PLEKHG3: variants seen among roughly 807,000 people sequenced by gnomAD.
PLEKHG3 encodes pleckstrin homology domain-containing family G member 3.
Under a neutral mutation model 94.9 loss-of-function variants are expected in PLEKHG3, and 62 were observed. The observed-to-expected ratio is 0.65, with a 90% CI of 0.53 to 0.81. PLEKHG3 has a LOEUF of 0.81. Among genes scored for constraint, PLEKHG3 ranks in the 30% least tolerant of loss-of-function variants. The pLI, the probability that PLEKHG3 is intolerant of heterozygous loss-of-function variation, is 0.00. For missense variants in PLEKHG3, 1,461 were observed against 1,619.3 expected (o/e 0.90, Z 1.68); for synonymous variants, 614 against 654.0 (o/e 0.94, Z 0.93).
In PLEKHG3 at chr14:64,741,057, G is replaced by A; in HGVS notation, c.1540G>A (p.Gly514Arg). Reference protein sequence around the residue: ...LPEVEPDPEAGSEQEVFSAVE... With the variant: ...LPEVEPDPEARSEQEVFSAVE... Reference sequence around the variant, plus strand: ...TCAGGTTGAGCCGGACCCTGAGGCTGGGAGTGAGCAAGAGGTATTTTCTGC... The same window carrying A: ...TCAGGTTGAGCCGGACCCTGAGGCTAGGAGTGAGCAAGAGGTATTTTCTGC... The change falls in exon 16 of 17, where the codon GGG (glycine) becomes AGG (arginine). Residue 514 changes from glycine (G) to arginine (R), a missense_variant. Around this residue, in one of 3 missense-constraint regions of PLEKHG3, gnomAD observed 1,201 missense variants for 1,295.5 expected, o/e 0.93. Transcript: ENST00000247226. 6.3e-7 allele frequency: 1 copy of A among 1,598,384 alleles called. No homozygotes were observed.
intron 1 of PLEKHG3, among the ~76,000 whole-genome samples, chr14:64,713,415 C>T (rs900949175): frequency 8.5e-5 from 13 of 152,086 alleles, no homozygotes; most frequent in African/African-American, 2.9e-4. Context: ...CCAGGGAAGC[C>T]GTCTAGTCCT....
chr14:64,721,801 C>T lies in PLEKHG3; in HGVS notation c.-39-5792C>T, dbSNP rs544994275. Among the ~76,000 whole-genome samples, 5 of 152,240 alleles carry T rather than the reference C, an allele frequency of 3.3e-5. No individual in the cohort carries two copies. The South Asian group carries it at 1.0e-3, about 32-fold the overall frequency. ...GTCCTCCCCTCCCCCAGGAGAGCCCCTAGGGTGCAGGGAGCAGTGGGAACA... is the reference window on the plus strand; with the variant it reads ...GTCCTCCCCTCCCCCAGGAGAGCCCTTAGGGTGCAGGGAGCAGTGGGAACA... On this transcript the variant is annotated intron_variant, in intron 1 of 16. Coordinates refer to ENST00000247226, the MANE Select transcript of PLEKHG3 (RefSeq NM_001308147.2). The surrounding 1 kb of genome is among the most constrained non-coding windows in gnomAD (Gnocchi z 4.3).
Position 64,749,551 on chromosome 14 carries a change from C to G in PLEKHG3, c.*5848C>G. 1 of 1,602,496 alleles carries G rather than the reference C, an allele frequency of 6.2e-7. No individual in the cohort carries two copies. On this transcript the variant is annotated 3_prime_UTR_variant, in exon 17 of 17. Coordinates refer to ENST00000247226, the MANE Select transcript of PLEKHG3 (RefSeq NM_001308147.2). This position sits in a 1 kb window ranked among gnomAD's most constrained non-coding sequence, Gnocchi z 4.7. ...CCGGGCCAGGCAACAATGGTGGGGG[C>G]TCTTGGGACTGCCCCTTCTGAGGGG... is the stretch of plus-strand genomic sequence containing the variant.
rs1715864341 is a variant in PLEKHG3, at chr14:64,732,719, G to A, written c.1247-84G>A. 1.9e-6 allele frequency: 2 copies of A among 1,050,448 alleles called. No homozygotes were observed. The highest frequency in any genetic ancestry group is 2.0e-4 in the Middle Eastern group (1 of 4,924). The allele number at this position is 1,050,448 out of a possible 1,614,324, so 65.1% of individuals were successfully genotyped here. On this transcript the variant is annotated intron_variant, in intron 11 of 16. Coordinates refer to ENST00000247226, the MANE Select transcript of PLEKHG3 (RefSeq NM_001308147.2). This position sits in a 1 kb window ranked among gnomAD's most constrained non-coding sequence, Gnocchi z 4.9. ...GGCCCTGGAGCTGGGTGGGTATAGAGGTCTGGCTGGTTATGGACAGGGTCT... is the reference window on the plus strand; with the variant it reads ...GGCCCTGGAGCTGGGTGGGTATAGAAGTCTGGCTGGTTATGGACAGGGTCT...
intron 1 of PLEKHG3, among the ~76,000 whole-genome samples, chr14:64,719,170 T>G (rs1040953761): frequency 2.0e-5 from 3 of 152,162 alleles, no homozygotes; most frequent in Non-Finnish European, 4.4e-5. Flanking sequence ...TCATAGAAGA[T>G]GGATAAACAC....
At chr14:64,734,789 C>T (rs2081539871) in intron 12 of PLEKHG3, among the ~76,000 whole-genome samples, 1 of 145,298 alleles carries the variant, frequency 6.9e-6, no homozygotes, top group South Asian at 2.4e-4. Flanking sequence ...GGCACCATCT[C>T]TACTCACTGC....
Position 64,741,550 on chromosome 14 carries a change from A to T in PLEKHG3, c.2033A>T (p.Glu678Val), listed in dbSNP as rs1323619637. The stretch of plus-strand genomic sequence containing the variant: ...GACATCAGTGTGGGGGTGGCCACAG[A>T]GGACAGCCCTTCTGTCAATGGGATG... ...EVDISVGVAT[E>V]DSPSVNGMEP... The change falls in exon 16 of 17, where the codon GAG becomes GTG. Residue 678 changes from glutamate (E) to valine (V), a missense_variant. This residue lies in a region of PLEKHG3 where 1,201 missense variants were observed against 1,295.5 expected (regional missense o/e 0.93). Transcript: ENST00000247226. The T allele has an allele frequency of 2.5e-6, 4 of 1,613,020 alleles. No homozygotes were observed. Among genetic ancestry groups the T allele is most frequent in the Non-Finnish European group, 3.4e-6 (4 of 1,180,032 alleles).
chr14:64,712,911 C>T lies in PLEKHG3; in HGVS notation c.-40+8207C>T, dbSNP rs144028468. The stretch of plus-strand genomic sequence containing the variant: ...ATCTTAGTGAAAAAGCATTGTCTTT[C>T]TCCATTGATTATGATGTACCTGTGG... On this transcript the variant is annotated intron_variant, in intron 1 of 16. Transcript: ENST00000247226. 2.5e-3 allele frequency among the ~76,000 whole-genome samples: 387 copies of T among 152,262 alleles called. 1 individual carries two copies. Among genetic ancestry groups the T allele is most frequent in the Admixed American group, 3.9e-3 (60 of 15,288 alleles).
chr14:64,733,227 C>T (rs1566708997), intron 12 of PLEKHG3, among the ~76,000 whole-genome samples: 2 of 146,684 alleles, frequency 1.4e-5, no homozygotes, highest in African/African-American at 2.5e-5. Context: ...TGCAGTGGCT[C>T]GATCTCGGCT....
intron 1 of PLEKHG3, among the ~76,000 whole-genome samples, chr14:64,705,366 C>A (rs2080954724): frequency 6.6e-6 from 1 of 152,226 alleles, no homozygotes; most frequent in Non-Finnish European, 1.5e-5. Flanking sequence ...CGTTAAATAG[C>A]TACTTTGACT....
rs560828408 is a variant in PLEKHG3 at position 64,739,716 on chromosome 14, G to A, written c.1518+861G>A. On this transcript the variant is annotated intron_variant, in intron 15 of 16. Coordinates refer to ENST00000247226, the MANE Select transcript of PLEKHG3 (RefSeq NM_001308147.2). The surrounding 1 kb of genome is among the most constrained non-coding windows in gnomAD (Gnocchi z 4.1). ...CTGGGGAGGGCTTGCCCTCTGCTTC[G>A]TAGATGGTGGCTTCTTGCTGTGTCC... Among the ~76,000 whole-genome samples the A allele has an allele frequency of 2.0e-4, 30 of 152,354 alleles. No individual in the cohort carries two copies. Among genetic ancestry groups the A allele is most frequent in the East Asian group, 7.7e-4 (4 of 5,190 alleles).
chr14:64,729,661 G>A (rs1391815907), intron 3 of PLEKHG3, among the ~76,000 whole-genome samples: 1 of 152,156 alleles, frequency 6.6e-6, no homozygotes. Context: ...GCGGTGCTAG[G>A]ACAGGAAGAA....
chr14:64,737,327 G>A (rs1369560755), intron 13 of PLEKHG3, 29 bp from the exon 14 acceptor site: 1 of 1,600,724 alleles, frequency 6.2e-7, no homozygotes, highest in Non-Finnish European at 8.5e-7. Context: ...TCGCCCGTGT[G>A]CTGGGGGACC....
At chr14:64,733,314 A>G (rs912179097) in intron 12 of PLEKHG3, among the ~76,000 whole-genome samples, 4 of 151,640 alleles carry the variant, frequency 2.6e-5, no homozygotes, top group African/African-American at 7.3e-5. Context: ...ACAAGCGTGC[A>G]CCACCACACC....
Position 64,749,956 on chromosome 14 carries a change from C to T in PLEKHG3, c.*6253C>T. On this transcript the variant is annotated 3_prime_UTR_variant, in exon 17 of 17. Transcript: ENST00000247226. This position sits in a 1 kb window ranked among gnomAD's most constrained non-coding sequence, Gnocchi z 4.7. Reference sequence around the variant, plus strand: ...TGCCAAATCAAGCCATCAACCCGAGCTTTCAAAGGCCAGGAAGGCCTCACC... The same window carrying T: ...TGCCAAATCAAGCCATCAACCCGAGTTTTCAAAGGCCAGGAAGGCCTCACC... 1 of 1,614,198 alleles carries T rather than the reference C, an allele frequency of 6.2e-7. No individual in the cohort carries two copies. The highest frequency in any genetic ancestry group is 8.5e-7 in the Non-Finnish European group (1 of 1,180,030).
In PLEKHG3 at chr14:64,741,062, T is replaced by C. The variant is rs2081676708; in HGVS notation, c.1545T>C (p.Ser515=). ...PEVEPDPEAG[S]EQEVFSAVEG... Reference sequence around the variant, plus strand: ...TTGAGCCGGACCCTGAGGCTGGGAGTGAGCAAGAGGTATTTTCTGCTGTGG... The same window carrying C: ...TTGAGCCGGACCCTGAGGCTGGGAGCGAGCAAGAGGTATTTTCTGCTGTGG... The change falls in exon 16 of 17, where the codon AGT becomes AGC. Residue 515 remains serine, a synonymous_variant. Transcript: ENST00000247226. 1 of 1,597,736 alleles carries C rather than the reference T, an allele frequency of 6.3e-7. No individual in the cohort carries two copies. Among genetic ancestry groups the C allele is most frequent in the South Asian group, 1.1e-5 (1 of 90,070 alleles).
Position 64,717,309 on chromosome 14 carries a change from G to A in PLEKHG3, c.-39-10284G>A, listed in dbSNP as rs57995270. On this transcript the variant is annotated intron_variant, in intron 1 of 16. Transcript: ENST00000247226. This position sits in a 1 kb window ranked among gnomAD's most constrained non-coding sequence, Gnocchi z 4.7. ...AGGCGAGGCCTGAGGGAGGGGGAAGGCCAGGGTTGTCTACATAACTTTCTG... is the reference window on the plus strand; with the variant it reads ...AGGCGAGGCCTGAGGGAGGGGGAAGACCAGGGTTGTCTACATAACTTTCTG... Among the ~76,000 whole-genome samples the A allele has an allele frequency of 2.4e-4, 37 of 152,300 alleles. No homozygotes were observed. The highest frequency in any genetic ancestry group is 7.9e-4 in the African/African-American group (33 of 41,574).
chr14:64,740,950 C>G lies in PLEKHG3; in HGVS notation c.1519-86C>G, dbSNP rs2081673058. On this transcript the variant is annotated intron_variant, in intron 15 of 16. Transcript: ENST00000247226. ...AAACTACAGGTCCCTGTCATTGGGC[C>G]TTGAGCAGGCCATGCTGTCCCCTTG... 6.9e-6 allele frequency: 8 copies of G among 1,156,636 alleles called. No individual in the cohort carries two copies. In the Admixed American group the frequency reaches 2.0e-4, roughly 29 times the overall value. 71.6% of individuals were successfully genotyped at this position (1,156,636 alleles called of 1,614,324 possible). A position where few individuals can be genotyped will look rare whatever the true frequency, so the allele number is the denominator to read the frequency against.
At position 64,730,367 on chromosome 14, in the gene PLEKHG3, C is replaced by T; in HGVS notation, c.519+55C>T. ...CTACCTTGCTGAGAGCTCAGAGAGA[C>T]AAGAACTGCCAGCATAAGAGGACAT... On this transcript the variant is annotated intron_variant, in intron 4 of 16. Coordinates refer to ENST00000247226, the MANE Select transcript of PLEKHG3 (RefSeq NM_001308147.2). The surrounding 1 kb of genome is among the most constrained non-coding windows in gnomAD (Gnocchi z 5.4). 1 of 1,130,924 alleles carries T rather than the reference C, an allele frequency of 8.8e-7. No individual in the cohort carries two copies. The allele number at this position is 1,130,924 out of a possible 1,614,324, so 70.1% of individuals were successfully genotyped here.
Sources: allele counts gnomAD v4.1 joint callset (sites outside exome capture counted in the v4.1 genomes callset), GRCh38; gene constraint gnomAD v4.1.1; regional missense constraint gnomAD v4.1.1; non-coding constraint Gnocchi (gnomAD v3.1); transcripts MANE v1.5; gene names NCBI Gene and HGNC (gene_info 2026-07-23, HGNC 2026-07-21).